NEGR1: variants seen among roughly 807,000 people sequenced by gnomAD.
NEGR1 encodes the protein IgLON family member 4.
NEGR1 carries 10 observed loss-of-function variants against 40.9 expected under a neutral mutation model. The observed-to-expected ratio is 0.24, with a 90% CI of 0.15 to 0.42. The LOEUF is 0.42. NEGR1 is among the 10% of genes least tolerant of loss of function. The pLI is 1.00. For missense variants in NEGR1, 352 were observed against 438.9 expected (o/e 0.80, Z 1.77); for synonymous variants, 185 against 166.8 (o/e 1.11, Z -0.84).
intron 6 of NEGR1, among the ~76,000 whole-genome samples, chr1:71,416,938 G>A (rs1557518818): frequency 6.6e-6 from 1 of 152,174 alleles, no homozygotes; most frequent in Non-Finnish European, 1.5e-5. Context: ...GAGTACTGGG[G>A]ATCAGCTGTT....
At chr1:71,679,927 T>C (rs887034205) in intron 4 of NEGR1, among the ~76,000 whole-genome samples, 4 of 152,066 alleles carry the variant, frequency 2.6e-5, no homozygotes, top group East Asian at 1.9e-4. Flanking sequence ...AAATGACCTA[T>C]GGTTTTTCTC....
At chr1:71,786,920 T>G (rs1031791528) in intron 2 of NEGR1, among the ~76,000 whole-genome samples, 1 of 152,228 alleles carries the variant, frequency 6.6e-6, no homozygotes, top group Non-Finnish European at 1.5e-5. Flanking sequence ...CACTCACTCT[T>G]GGAGTTCTAG....
At chr1:72,033,726 CTGTT>C (rs1646878874) in intron 1 of NEGR1, among the ~76,000 whole-genome samples, 2 of 152,058 alleles carry the variant, frequency 1.3e-5, no homozygotes, top group Non-Finnish European at 2.9e-5. Flanking sequence ...CATGTTTAGA[CTGTT>C]ATTTTTTTCC....
chr1:71,746,132 A>T (rs1655374461), intron 3 of NEGR1, among the ~76,000 whole-genome samples: 1 of 152,238 alleles, frequency 6.6e-6, no homozygotes, highest in African/African-American at 2.4e-5. Context: ...CCTGTGTCAT[A>T]TAAAAGTATG....
intron 1 of NEGR1, among the ~76,000 whole-genome samples, chr1:72,105,150 C>A (rs1649088873): frequency 6.6e-6 from 1 of 152,056 alleles, no homozygotes; most frequent in African/African-American, 2.4e-5. Context: ...TTCCTGCCTC[C>A]AAACTATTCT....
At position 71,405,585 on chromosome 1, in the gene NEGR1, T is replaced by G. The variant is rs1481073410; in HGVS notation, c.*1861A>C. On this transcript the variant is annotated 3_prime_UTR_variant, in exon 7 of 7. Coordinates refer to ENST00000357731, the MANE Select transcript of NEGR1 (RefSeq NM_173808.3). ...GTAGATTTACTAGCTTTATGCCTTA[T>G]TATTGCCATTTTGTGGAAAGAGTAT... 1.3e-5 allele frequency: 2 copies of G among 152,014 alleles called. No individual in the cohort carries two copies. The highest frequency in any genetic ancestry group is 6.6e-5 in the Admixed American group (1 of 15,180). The allele number at this position is 152,014 out of a possible 1,614,324, so 9.4% of individuals were successfully genotyped here. A position where few individuals can be genotyped will look rare whatever the true frequency, so the allele number is the denominator to read the frequency against.
chr1:71,476,673 G>A (rs1467492605), intron 6 of NEGR1, among the ~76,000 whole-genome samples: 1 of 152,036 alleles, frequency 6.6e-6, no homozygotes, highest in Non-Finnish European at 1.5e-5. Context: ...TAAAGGCTGT[G>A]GACACTGAGG....
At chr1:71,844,370 C>T (rs1659334889) in intron 2 of NEGR1, among the ~76,000 whole-genome samples, 1 of 152,106 alleles carries the variant, frequency 6.6e-6, no homozygotes, top group Non-Finnish European at 1.5e-5. Context: ...GTTTAATGTT[C>T]CCTAACAGAG....
intron 2 of NEGR1, among the ~76,000 whole-genome samples, chr1:71,812,990 A>C (rs1049657968): frequency 6.6e-5 from 10 of 152,070 alleles, no homozygotes; most frequent in African/African-American, 2.4e-4. Context: ...TGATGTTTTC[A>C]TAATGAAATT....
At chr1:71,824,455 C>A (rs1658545184) in intron 2 of NEGR1, among the ~76,000 whole-genome samples, 1 of 151,598 alleles carries the variant, frequency 6.6e-6, no homozygotes, top group Non-Finnish European at 1.5e-5. Flanking sequence ...TATAATCTTA[C>A]CCATTATATT....
intron 1 of NEGR1, among the ~76,000 whole-genome samples, chr1:72,007,531 G>A (rs1282152503): frequency 6.6e-6 from 1 of 152,104 alleles, no homozygotes; most frequent in Admixed American, 6.6e-5. Flanking sequence ...CTCCGCCACT[G>A]CTATGCCACA....
chr1:72,274,265 G>C (rs1570211275), intron 1 of NEGR1, among the ~76,000 whole-genome samples: 1 of 152,098 alleles, frequency 6.6e-6, no homozygotes, highest in East Asian at 1.9e-4. Flanking sequence ...TCTGGAGTTT[G>C]GTTAGAATTT....
rs1323990980 is a variant in NEGR1, at chr1:71,403,917, A to G, written c.*3529T>C. The G allele has an allele frequency of 7.9e-6, 3 of 379,098 alleles. No individual in the cohort carries two copies. The highest frequency in any genetic ancestry group is 2.1e-5 in the African/African-American group (1 of 48,208). The allele number at this position is 379,098 out of a possible 1,614,324, so 23.5% of individuals were successfully genotyped here. A position where few individuals can be genotyped will look rare whatever the true frequency, so the allele number is the denominator to read the frequency against. On this transcript the variant is annotated 3_prime_UTR_variant, in exon 7 of 7. Transcript: ENST00000357731. ...TATTCATATTCATATCTATTGAAATACTGTACATCCACATACTTCAATAAA... is the reference window on the plus strand; with the variant it reads ...TATTCATATTCATATCTATTGAAATGCTGTACATCCACATACTTCAATAAA...
intron 1 of NEGR1, among the ~76,000 whole-genome samples, chr1:72,228,974 A>G (rs2100495004): frequency 6.6e-6 from 1 of 152,178 alleles, no homozygotes; most frequent in African/African-American, 2.4e-5. Context: ...TAAAAATGTC[A>G]AAGAAGGGTC....
intron 1 of NEGR1, among the ~76,000 whole-genome samples, chr1:72,247,924 G>C (rs1654953829): frequency 6.6e-6 from 1 of 152,102 alleles, no homozygotes. Flanking sequence ...GGATTCTGGG[G>C]AGGCATCGGG....
intron 2 of NEGR1, among the ~76,000 whole-genome samples, chr1:71,865,561 T>G (rs1432430724): frequency 6.6e-6 from 1 of 151,816 alleles, no homozygotes; most frequent in Non-Finnish European, 1.5e-5. Flanking sequence ...TAAGAACACA[T>G]GGACACAGGG....
At chr1:71,536,367 T>C (rs1315549750) in intron 6 of NEGR1, among the ~76,000 whole-genome samples, 1 of 151,672 alleles carries the variant, frequency 6.6e-6, no homozygotes, top group Admixed American at 6.6e-5. Flanking sequence ...GAGTTTTCAC[T>C]ATTCCCACAA....
At chr1:71,670,243 A>G (rs559612854) in intron 4 of NEGR1, among the ~76,000 whole-genome samples, 1 of 152,238 alleles carries the variant, frequency 6.6e-6, no homozygotes, top group African/African-American at 2.4e-5. Context: ...GTGCTTTTTT[A>G]AGCAATTTAA....
chr1:71,590,066 C>T (rs189202162), intron 6 of NEGR1, among the ~76,000 whole-genome samples: 1 of 152,224 alleles, frequency 6.6e-6, no homozygotes, highest in Non-Finnish European at 1.5e-5. Context: ...GCTTGCCTCT[C>T]TCTTTCTTCC....
Sources: gnomAD v4.1 joint callset for allele counts (sites outside exome capture counted in the v4.1 genomes callset) on GRCh38, gnomAD v4.1.1 for gene constraint, MANE v1.5 for transcripts, NCBI Gene and HGNC (gene_info 2026-07-23, HGNC 2026-07-21) for gene names.